TXLNB: variants seen among roughly 807,000 people sequenced by gnomAD.
TXLNB encodes beta-taxilin.
A neutral mutation model predicts 57.4 loss-of-function variants in TXLNB; 37 were observed. That is an observed-to-expected ratio of 0.64 (90% confidence interval 0.50 to 0.85). TXLNB has a LOEUF of 0.85. TXLNB is among the 40% of genes least tolerant of loss of function. The pLI, the probability that TXLNB is intolerant of heterozygous loss-of-function variation, is 0.00. For synonymous variants in TXLNB, 302 were observed against 309.6 expected (o/e 0.98, Z 0.26); for missense variants, 848 against 825.6 (o/e 1.03, Z -0.33).
At chr6:139,210,836 C>T in the TXLNB span, among the ~76,000 whole-genome samples, 1 of 152,266 alleles carries the variant, frequency 6.6e-6, no homozygotes, top group African/African-American at 2.4e-5. Context: ...GAGATTATAT[C>T]CCGCGCCTAG....
chr6:139,248,274 A>G (rs1776115110), intron 7 of TXLNB, among the ~76,000 whole-genome samples: 1 of 123,516 alleles, frequency 8.1e-6, no homozygotes, highest in Admixed American at 7.7e-5. Flanking sequence ...CTCCGTCTCA[A>G]AAAAAAAAAA....
upstream of TXLNB, among the ~76,000 whole-genome samples, chr6:139,295,637 C>T (rs1331062116): frequency 6.6e-6 from 1 of 151,970 alleles, no homozygotes; most frequent in Non-Finnish European, 1.5e-5. Context: ...ATTTACAACT[C>T]ACCAATTTTT....
the TXLNB span, chr6:139,234,666 T>TG: frequency 6.6e-6 from 1 of 152,306 alleles, no homozygotes; most frequent in Non-Finnish European, 1.5e-5. Flanking sequence ...GATAGGAATT[T>TG]GCTGCAGGGG....
chr6:139,197,408 C>T, the TXLNB span, among the ~76,000 whole-genome samples: 19 of 152,234 alleles, frequency 1.2e-4, no homozygotes, highest in Non-Finnish European at 2.5e-4. Flanking sequence ...TGGAGTAGTA[C>T]GTGGCACCTA....
upstream of TXLNB, among the ~76,000 whole-genome samples, chr6:139,293,298 G>A (rs185956011): frequency 2.0e-5 from 3 of 152,134 alleles, no homozygotes; most frequent in Admixed American, 6.5e-5. Flanking sequence ...CGCTGTGTTG[G>A]CTAGGCTGGT....
At chr6:139,323,271 G>T in the TXLNB span, among the ~76,000 whole-genome samples, 1 of 149,620 alleles carries the variant, frequency 6.7e-6, no homozygotes, top group African/African-American at 2.5e-5. Flanking sequence ...CCAAGAAAAA[G>T]AATTTGTTTA....
intron 8 of TXLNB, among the ~76,000 whole-genome samples, 161 bp downstream of exon 8, chr6:139,247,655 AC>A (rs1776099576): frequency 6.6e-6 from 1 of 151,458 alleles, no homozygotes; most frequent in Admixed American, 6.6e-5. Flanking sequence ...CTAGATACTT[AC>A]CAATTAAAAA....
At chr6:139,290,210 T>C (rs1777273985) in intron 1 of TXLNB, among the ~76,000 whole-genome samples, 2 of 152,088 alleles carry the variant, frequency 1.3e-5, no homozygotes. Flanking sequence ...TGAAACCCTG[T>C]CTCTACTAAA....
At chr6:139,239,231 A>G (rs549163887), downstream of TXLNB, 1 of 152,384 alleles carries the variant, frequency 6.6e-6, no homozygotes, top group Non-Finnish European at 1.5e-5. The surrounding 1 kb of genome is among the most constrained non-coding windows in gnomAD (Gnocchi z 4.7). Context: ...GTCTTGTTCG[A>G]TGAAATTCTT....
the TXLNB span, among the ~76,000 whole-genome samples, chr6:139,181,839 G>A: frequency 3.3e-5 from 5 of 152,186 alleles, no homozygotes; most frequent in African/African-American, 1.2e-4. Flanking sequence ...TATAACTGCT[G>A]TGTGCAGACT....
intron 2 of TXLNB, among the ~76,000 whole-genome samples, chr6:139,281,609 C>T (rs1213180932): frequency 2.3e-5 from 2 of 86,802 alleles, no homozygotes; most frequent in Non-Finnish European, 3.8e-5. Context: ...AGTGCAGTGG[C>T]GCGATCTCGG....
the TXLNB span, among the ~76,000 whole-genome samples, chr6:139,226,684 A>G: frequency 2.0e-5 from 3 of 152,196 alleles, no homozygotes; most frequent in African/African-American, 4.8e-5. Flanking sequence ...CTGACCAATA[A>G]CTATAGAAAA....
At chr6:139,192,953 A>C in the TXLNB span, among the ~76,000 whole-genome samples, 1 of 150,776 alleles carries the variant, frequency 6.6e-6, no homozygotes, top group Non-Finnish European at 1.5e-5. Context: ...ACAGAGCAAG[A>C]CTCCGTCTCA....
chr6:139,243,454 A>T, intron 9 of TXLNB, 140 bp from the exon 10 acceptor site: 3 of 677,786 alleles, frequency 4.4e-6, no homozygotes, highest in Non-Finnish European at 7.1e-6. Context: ...GCTACAGAGT[A>T]GGGGCTGAAC....
chr6:139,321,491 AGTCTATGGTACTTT>A, the TXLNB span, among the ~76,000 whole-genome samples: 1 of 150,722 alleles, frequency 6.6e-6, no homozygotes, highest in Non-Finnish European at 1.5e-5. Flanking sequence ...TAAAATACCC[AGTCTATGGTACTTT>A]GTTATAGCAG....
At chr6:139,203,405 T>A in the TXLNB span, among the ~76,000 whole-genome samples, 13 of 152,346 alleles carry the variant, frequency 8.5e-5, no homozygotes, top group Admixed American at 8.5e-4. Flanking sequence ...GGAAAATTGC[T>A]CTAATCAAGG....
downstream of TXLNB, among the ~76,000 whole-genome samples, chr6:139,236,425 G>A (rs148490190): frequency 2.0e-5 from 3 of 152,274 alleles, no homozygotes; most frequent in East Asian, 3.9e-4. Context: ...CACATGTCCT[G>A]CAATGGGGAT....
chr6:139,209,851 A>C, the TXLNB span, among the ~76,000 whole-genome samples: 2 of 152,204 alleles, frequency 1.3e-5, no homozygotes, highest in African/African-American at 4.8e-5. Flanking sequence ...TGCAACAAAA[A>C]CAAAAATAAA....
chr6:139,163,308 A>C, the TXLNB span, among the ~76,000 whole-genome samples: 1 of 150,450 alleles, frequency 6.6e-6, no homozygotes, highest in Non-Finnish European at 1.5e-5. Context: ...GTGGAGAAGC[A>C]CCGATGTTAC....
Sources: gnomAD v4.1 joint callset for allele counts (sites outside exome capture counted in the v4.1 genomes callset) on GRCh38, gnomAD v4.1.1 for gene constraint, Gnocchi (gnomAD v3.1) non-coding constraint, MANE v1.5 for transcripts, NCBI Gene and HGNC (gene_info 2026-07-23, HGNC 2026-07-21) for gene names.